The following TXLNB variants were observed in gnomAD, a reference collection of about 807,000 sequenced individuals.
TXLNB encodes beta-taxilin.
Under a neutral mutation model 57.4 loss-of-function variants are expected in TXLNB, and 37 were observed. That is an observed-to-expected ratio of 0.64 (90% CI 0.50 to 0.85). The LOEUF is 0.85. Among genes scored for constraint, TXLNB ranks in the 40% least tolerant of loss-of-function variants. TXLNB has a pLI of 0.00. For missense variants in TXLNB, 848 were observed against 825.6 expected, an observed-to-expected ratio of 1.03 and a Z score of -0.33; for synonymous variants, 302 against 309.6, an observed-to-expected ratio of 0.98 and a Z score of 0.26.
At chr6:139,204,048 G>A in the TXLNB span, among the ~76,000 whole-genome samples, 1 of 145,760 alleles carries the variant, frequency 6.9e-6, no homozygotes, top group East Asian at 2.0e-4. Context: ...TTCCATTAAT[G>A]TCCTAATTTT....
chr6:139,323,822 C>T, the TXLNB span, among the ~76,000 whole-genome samples: 1 of 152,212 alleles, frequency 6.6e-6, no homozygotes, highest in Non-Finnish European at 1.5e-5. Context: ...CTTCCATTCC[C>T]CTACATCTGA....
chr6:139,278,355 T>G (rs1776954419), intron 2 of TXLNB, among the ~76,000 whole-genome samples: 1 of 152,184 alleles, frequency 6.6e-6, no homozygotes, highest in African/African-American at 2.4e-5. Flanking sequence ...TTGTCTATCT[T>G]TGCCTAGTGA....
At chr6:139,168,382 C>A in the TXLNB span, among the ~76,000 whole-genome samples, 1 of 148,228 alleles carries the variant, frequency 6.7e-6, no homozygotes, top group Non-Finnish European at 1.5e-5. Context: ...TCTAGGACTC[C>A]TTTTGTTTTT....
chr6:139,218,584 C>G, the TXLNB span, among the ~76,000 whole-genome samples: 2 of 152,066 alleles, frequency 1.3e-5, no homozygotes, highest in Admixed American at 1.3e-4. Context: ...GAAACCCTGT[C>G]TCTACTAAAT....
the TXLNB span, among the ~76,000 whole-genome samples, chr6:139,199,063 T>A: frequency 6.6e-6 from 1 of 152,016 alleles, no homozygotes; most frequent in Admixed American, 6.6e-5. Context: ...CATATTTAGG[T>A]TTCCTGCTGT....
At chr6:139,187,554 AC>A in the TXLNB span, among the ~76,000 whole-genome samples, 1 of 151,996 alleles carries the variant, frequency 6.6e-6, no homozygotes, top group Non-Finnish European at 1.5e-5. Context: ...TGGTTTGTGC[AC>A]TTTTTTATTA....
At chr6:139,261,100 C>T (rs1360572466) in intron 5 of TXLNB, among the ~76,000 whole-genome samples, 2 of 152,182 alleles carry the variant, frequency 1.3e-5, no homozygotes, top group Non-Finnish European at 2.9e-5. Context: ...AAACTTCCAA[C>T]TCTACCTCAG....
chr6:139,182,400 GA>G, the TXLNB span, among the ~76,000 whole-genome samples: 1 of 152,130 alleles, frequency 6.6e-6, no homozygotes, highest in African/African-American at 2.4e-5. Flanking sequence ...AAAAGTTGCA[GA>G]AAAAAGAAGT....
intron 4 of TXLNB, chr6:139,269,238 C>A (rs995276196): frequency 2.6e-5 from 4 of 152,218 alleles, no homozygotes; most frequent in Non-Finnish European, 4.4e-5. Context: ...CCCAAGAAGA[C>A]CACGCTGTAT....
At chr6:139,232,530 T>C in the TXLNB span, among the ~76,000 whole-genome samples, 36 of 152,340 alleles carry the variant, frequency 2.4e-4, no homozygotes, top group Non-Finnish European at 4.7e-4. Flanking sequence ...CTTTGAAATT[T>C]TCTTTGTATA....
At chr6:139,216,133 C>G in the TXLNB span, among the ~76,000 whole-genome samples, 1 of 151,818 alleles carries the variant, frequency 6.6e-6, no homozygotes, top group African/African-American at 2.4e-5. Context: ...GGTATATACC[C>G]AAAGGATTAT....
intron 6 of TXLNB, among the ~76,000 whole-genome samples, chr6:139,259,948 C>T (rs1013773404): frequency 1.3e-5 from 2 of 152,122 alleles, no homozygotes; most frequent in African/African-American, 2.4e-5. Context: ...TGCGTCCAGG[C>T]GCGATGGTTC....
intron 3 of TXLNB, among the ~76,000 whole-genome samples, chr6:139,272,650 C>A (rs544293301): frequency 6.6e-6 from 1 of 152,162 alleles, no homozygotes; most frequent in Non-Finnish European, 1.5e-5. Flanking sequence ...TAGATGTGAG[C>A]CTTTAATTTT....
intron 1 of TXLNB, among the ~76,000 whole-genome samples, chr6:139,290,094 A>G (rs1282360778): frequency 3.9e-5 from 6 of 152,328 alleles, no homozygotes; most frequent in Non-Finnish European, 8.8e-5. Context: ...ACAAAGTAGT[A>G]TGGAAACACG....
chr6:139,280,288 G>GAAAC (rs1777015339), intron 2 of TXLNB, among the ~76,000 whole-genome samples: 3 of 138,402 alleles, frequency 2.2e-5, no homozygotes, highest in African/African-American at 5.2e-5. Flanking sequence ...AAGAAAGAAA[G>GAAAC]AAACAAAAAA....
At chr6:139,206,707 G>A in the TXLNB span, among the ~76,000 whole-genome samples, 1 of 151,798 alleles carries the variant, frequency 6.6e-6, no homozygotes, top group African/African-American at 2.4e-5. Flanking sequence ...TGGCAGAATG[G>A]ATTTAAAAAA....
the TXLNB span, among the ~76,000 whole-genome samples, chr6:139,224,620 C>T: frequency 6.8e-6 from 1 of 147,520 alleles, no homozygotes. Context: ...ACAATTTGTG[C>T]CAATAAATAT....
At chr6:139,269,702 GATTA>G (rs1166458045) in intron 4 of TXLNB, among the ~76,000 whole-genome samples, 1 of 152,168 alleles carries the variant, frequency 6.6e-6, no homozygotes, top group Non-Finnish European at 1.5e-5. Flanking sequence ...ACTGGTGTCT[GATTA>G]ATTATTATTT....
the TXLNB span, among the ~76,000 whole-genome samples, chr6:139,317,742 A>G: frequency 2.6e-5 from 4 of 152,092 alleles, no homozygotes; most frequent in Non-Finnish European, 5.9e-5. Flanking sequence ...TAGATTTATA[A>G]ATATAAAATT....
Sources: allele counts gnomAD v4.1 joint callset (sites outside exome capture counted in the v4.1 genomes callset), GRCh38; gene constraint gnomAD v4.1.1; transcripts MANE v1.5; gene names NCBI Gene and HGNC (gene_info 2026-07-23, HGNC 2026-07-21).